GON4L: variants seen among roughly 807,000 people sequenced by gnomAD.
The protein encoded by GON4L is gon-4 like.
Under a neutral mutation model 211.8 loss-of-function variants are expected in GON4L, and 87 were observed. The ratio of observed to expected loss-of-function variants is 0.41; its 90% CI spans 0.35 to 0.49. GON4L has a LOEUF of 0.49. GON4L is among the 20% of genes least tolerant of loss of function. GON4L has a pLI of 0.15. For missense variants in GON4L, 2,155 were observed against 2,659.5 expected, an observed-to-expected ratio of 0.81 and a Z score of 4.17; for synonymous variants, 875 against 962.6, an observed-to-expected ratio of 0.91 and a Z score of 1.68.
intron 12 of GON4L, among the ~76,000 whole-genome samples, chr1:155,791,930 A>AACATAACATC (rs1665630320): frequency 7.3e-6 from 1 of 137,752 alleles, no homozygotes; most frequent in African/African-American, 3.0e-5. Context: ...AACATCACAT[A>AACATAACATC]ACATAACATA....
chr1:155,848,405 C>A (rs1285996201), intron 2 of GON4L, among the ~76,000 whole-genome samples: 1 of 152,114 alleles, frequency 6.6e-6, no homozygotes, highest in African/African-American at 2.4e-5. Context: ...TATGGTGTAC[C>A]CATTCTTCTC....
Position 155,853,426 on chromosome 1 carries a change from C to A in GON4L, c.355G>T (p.Gly119Cys). The A allele has an allele frequency of 6.2e-7, 1 of 1,614,058 alleles. No individual in the cohort carries two copies. Among genetic ancestry groups the A allele is most frequent in the Non-Finnish European group, 8.5e-7 (1 of 1,180,014 alleles). Residue 119 changes from glycine (G) to cysteine (C), a missense_variant, in exon 2 of 32, where the codon GGT becomes TGT. Transcript: ENST00000368331. The part of the protein sequence containing the change: ...ESFHPLNIHI[G>C]KGKLHATGSK... Reference sequence around the variant, plus strand: ...CCAGTAGCGTGGAGTTTTCCTTTACCAATGTGTATATTAAGGGGGTGAAAA... The same window carrying A: ...CCAGTAGCGTGGAGTTTTCCTTTACAAATGTGTATATTAAGGGGGTGAAAA...
chr1:155,767,220 A>G, intron 20 of GON4L: 3 of 1,253,556 alleles, frequency 2.4e-6, no homozygotes, highest in Non-Finnish European at 2.2e-6. Context: ...CCTTTAGCAA[A>G]TTATTATTTT....
intron 2 of GON4L, among the ~76,000 whole-genome samples, chr1:155,841,493 T>C (rs1427965044): frequency 1.3e-5 from 2 of 152,220 alleles, no homozygotes; most frequent in Non-Finnish European, 2.9e-5. Context: ...GTCAGTTTTA[T>C]AACCTTATTT....
chr1:155,795,065 C>T lies in GON4L; in HGVS notation c.1732G>A (p.Ala578Thr). ...ACAGACTCACTGGTGATTCTCACTG[C>T]CCGGTCAGTCCGGAAATCCTCTGTG... The part of the protein sequence containing the change: ...PDTEDFRTDR[A>T]VRITKKEVNE... Residue 578 changes from alanine (A) to threonine (T), a missense_variant, in exon 12 of 32, where the codon GCA becomes ACA. Ala to Thr is a moderately conservative substitution (Grantham distance 58). Transcript: ENST00000368331. The T allele has an allele frequency of 6.3e-7, 1 of 1,587,634 alleles. No homozygotes were observed. The highest frequency in any genetic ancestry group is 8.7e-7 in the Non-Finnish European group (1 of 1,155,868).
At chr1:155,757,446 T>C in intron 25 of GON4L, 123 bp from the exon 26 acceptor site, 2 of 832,876 alleles carry the variant, frequency 2.4e-6, no homozygotes, top group Non-Finnish European at 1.9e-6. Context: ...ACAGAGACTC[T>C]GCCTGGTAAC....
intron 1 of GON4L, among the ~76,000 whole-genome samples, chr1:155,856,696 T>C (rs1672313034): frequency 6.6e-6 from 1 of 151,202 alleles, no homozygotes; most frequent in African/African-American, 2.4e-5. Context: ...TTATAAGAAA[T>C]AGAATGGGAG....
chr1:155,849,986 TAAAAAA>T (rs367553803), intron 2 of GON4L, among the ~76,000 whole-genome samples: 1 of 124,322 alleles, frequency 8.0e-6, no homozygotes, highest in African/African-American at 3.0e-5. Context: ...ATTCTGCTCT[TAAAAAA>T]AAAAAAAAAG....
At chr1:155,850,025 G>A (rs1671637447) in intron 2 of GON4L, among the ~76,000 whole-genome samples, 1 of 148,282 alleles carries the variant, frequency 6.7e-6, no homozygotes, top group South Asian at 2.1e-4. Flanking sequence ...AAAAAGGAAA[G>A]GCATGGGGAG....
At position 155,753,191 on chromosome 1, in the gene GON4L, G is replaced by A. The variant is rs759097929; in HGVS notation, c.5842+13C>T. On this transcript the variant is annotated intron_variant, in intron 29 of 31. Transcript: ENST00000368331. ...ACTGAGGAACAGAAGGGCTGCGTTGGCAAATCACTCACCTGAAACAGGCAT... is the reference window on the plus strand; with the variant it reads ...ACTGAGGAACAGAAGGGCTGCGTTGACAAATCACTCACCTGAAACAGGCAT... The A allele has an allele frequency of 2.3e-5, 37 of 1,588,690 alleles. No homozygotes were observed. The highest frequency in any genetic ancestry group is 3.1e-5 in the Non-Finnish European group (36 of 1,162,158).
chr1:155,811,922 G>A (rs764374134), intron 10 of GON4L, among the ~76,000 whole-genome samples: 2 of 151,328 alleles, frequency 1.3e-5, no homozygotes, highest in Non-Finnish European at 2.9e-5. Context: ...CGTGGTGGTG[G>A]GCACCTGTAA....
chr1:155,811,951 C>T (rs965409065), intron 10 of GON4L, among the ~76,000 whole-genome samples: 2 of 151,316 alleles, frequency 1.3e-5, no homozygotes, highest in African/African-American at 2.4e-5. Flanking sequence ...ACTCAGGAGG[C>T]TAACGCAGGA....
intron 20 of GON4L, chr1:155,767,029 ACT>A (rs1571666609): frequency 5.4e-6 from 3 of 551,698 alleles, no homozygotes; most frequent in Non-Finnish European, 9.5e-6. Context: ...ACAGAGCAAG[ACT>A]CTGTCTCAAA....
Position 155,765,333 on chromosome 1 carries a change from T to C in GON4L, c.4140A>G (p.Glu1380=), listed in dbSNP as rs1217372929. 2.5e-6 allele frequency: 4 copies of C among 1,614,226 alleles called. No individual in the cohort carries two copies. Among genetic ancestry groups the C allele is most frequent in the Non-Finnish European group, 3.4e-6 (4 of 1,180,028 alleles). ...EVTKQTVLQK[E]EERSQPTKTP... ...TTTTAGTTGGCTGACTCCTCTCCTC[T>C]TCCTTCTGTAAGACTGTCTGTTTCG... is the stretch of plus-strand genomic sequence containing the variant. Residue 1380 remains glutamate (E), a synonymous_variant, in exon 21 of 32, where the codon GAA becomes GAG. Coordinates refer to ENST00000368331, the MANE Select transcript of GON4L (RefSeq NM_001282860.2).
chr1:155,800,262 T>A (rs576842158), intron 11 of GON4L, among the ~76,000 whole-genome samples: 43 of 151,598 alleles, frequency 2.8e-4, no homozygotes, highest in African/African-American at 9.7e-4. Flanking sequence ...CATATACTTT[T>A]AAAAAATGGT....
chr1:155,789,895 T>C (rs909983045), intron 12 of GON4L, among the ~76,000 whole-genome samples: 8 of 152,184 alleles, frequency 5.3e-5, no homozygotes, highest in African/African-American at 1.9e-4. Flanking sequence ...AGATTACTTA[T>C]CACCTAATAC....
chr1:155,765,141 A>T lies in GON4L; in HGVS notation c.4332T>A (p.Thr1444=). The T allele has an allele frequency of 6.2e-7, 1 of 1,614,118 alleles. No individual in the cohort carries two copies. Among genetic ancestry groups the T allele is most frequent in the Non-Finnish European group, 8.5e-7 (1 of 1,180,020 alleles). The change falls in exon 21 of 32, where the codon ACT becomes ACA. Residue 1444 remains threonine (T), a synonymous_variant. Transcript: ENST00000368331. ...SSSVDGQSVG[T]PVGPETGGEK... is the part of the protein sequence containing the mutation. The stretch of plus-strand genomic sequence containing the variant: ...CTCCTCCAGTTTCTGGCCCAACTGG[A>T]GTCCCCACTGACTGACCATCAACAC...
At chr1:155,772,652 G>A (rs572010006) in intron 18 of GON4L, among the ~76,000 whole-genome samples, 6 of 151,954 alleles carry the variant, frequency 3.9e-5, no homozygotes, top group East Asian at 1.9e-4. Context: ...CAGCTGCTCC[G>A]TGGAGGCTGA....
chr1:155,755,311 C>T (rs1434605358), intron 27 of GON4L, among the ~76,000 whole-genome samples: 2 of 152,014 alleles, frequency 1.3e-5, no homozygotes, highest in Admixed American at 6.6e-5. Context: ...TGAAGTAATC[C>T]GCCCGCCTTG....
Sources: gnomAD v4.1 joint callset for allele counts (sites outside exome capture counted in the v4.1 genomes callset) on GRCh38, gnomAD v4.1.1 for gene constraint, MANE v1.5 for transcripts, NCBI Gene and HGNC (gene_info 2026-07-23, HGNC 2026-07-21) for gene names.